The following TSHZ1 variants were observed in gnomAD, a reference collection of about 807,000 sequenced individuals.
TSHZ1 encodes the protein teashirt homolog 1.
A neutral mutation model predicts 67.1 loss-of-function variants in TSHZ1; 12 were observed. The observed-to-expected ratio is 0.18, with a 90% CI of 0.11 to 0.29. The LOEUF is 0.29. Ranked by LOEUF, TSHZ1 falls within the 10% of genes least tolerant of loss-of-function variation. The pLI is 1.00. For missense variants in TSHZ1, 1,305 were observed against 1,413.9 expected (o/e 0.92, Z 1.23); for synonymous variants, 632 against 622.4 (o/e 1.02, Z -0.23).
chr18:75,250,727 C>T (rs1158184416), intron 1 of TSHZ1, among the ~76,000 whole-genome samples: 2 of 152,236 alleles, frequency 1.3e-5, no homozygotes, highest in African/African-American at 2.4e-5. Flanking sequence ...GGGCCTTTAC[C>T]GTCCGGATGG....
rs560496526 is a variant in TSHZ1 at position 75,288,132 on chromosome 18, C to T, written c.2725C>T (p.Arg909Trp). 53 of 1,613,770 alleles carry T rather than the reference C, an allele frequency of 3.3e-5. No homozygotes were observed. The East Asian group carries it at 5.1e-4, about 16-fold the overall frequency. ...ILQAQFASSL[R>W]ETTEGKYIMS... Reference sequence around the variant, plus strand: ...GCAGGCCCAGTTCGCCTCGAGCTTGCGGGAGACCACAGAGGGCAAGTACAT... The same window carrying T: ...GCAGGCCCAGTTCGCCTCGAGCTTGTGGGAGACCACAGAGGGCAAGTACAT... Residue 909 changes from arginine (R) to tryptophan (W), a missense_variant, in exon 2 of 2, where the codon CGG becomes TGG. Arg to Trp is a moderately radical substitution (Grantham distance 101, BLOSUM62 -3). Transcript: ENST00000580243. The surrounding 1 kb of genome is among the most constrained non-coding windows in gnomAD (Gnocchi z 4.9).
chr18:75,240,593 C>G (rs1192041510), intron 1 of TSHZ1, among the ~76,000 whole-genome samples: 3 of 152,152 alleles, frequency 2.0e-5, no homozygotes, highest in Non-Finnish European at 4.4e-5. Flanking sequence ...TCAGCTGGAG[C>G]ACACTGTTTC....
At chr18:75,260,293 C>T (rs1290733330) in intron 1 of TSHZ1, among the ~76,000 whole-genome samples, 1 of 152,216 alleles carries the variant, frequency 6.6e-6, no homozygotes, top group African/African-American at 2.4e-5. Context: ...CCCGCTTTTG[C>T]ATTTTCCCCA....
In TSHZ1 at chr18:75,229,615, C is replaced by A. The variant is rs573780381; in HGVS notation, c.40+17699C>A. Among the ~76,000 whole-genome samples the A allele has an allele frequency of 8.5e-5, 13 of 152,330 alleles. No homozygotes were observed. The East Asian group carries it at 2.3e-3, about 27-fold the overall frequency. ...GGACTGAAGCCCCTCCTTGGGGAAG[C>A]CCTGGCTCTTGCGAGGACAGGTGAG... is the stretch of plus-strand genomic sequence containing the variant. On this transcript the variant is annotated intron_variant, in intron 1 of 1. Transcript: ENST00000580243.
chr18:75,265,043 T>G (rs1371956013), intron 1 of TSHZ1, among the ~76,000 whole-genome samples: 1 of 152,202 alleles, frequency 6.6e-6, no homozygotes, highest in Non-Finnish European at 1.5e-5. Context: ...TATTTTAATT[T>G]CATAGAGCAA....
At chr18:75,215,267 C>T (rs568565515) in intron 1 of TSHZ1, among the ~76,000 whole-genome samples, 3 of 152,286 alleles carry the variant, frequency 2.0e-5, no homozygotes, top group South Asian at 2.1e-4. Context: ...CAGAGAATGT[C>T]GCTGGCTGGG....
At chr18:75,248,596 AT>A (rs1307999528) in intron 1 of TSHZ1, among the ~76,000 whole-genome samples, 2 of 152,230 alleles carry the variant, frequency 1.3e-5, no homozygotes, top group African/African-American at 2.4e-5. Context: ...ATTGGCCCAC[AT>A]TAATGGAGAG....
Position 75,286,202 on chromosome 18 carries a change from G to A in TSHZ1, c.795G>A (p.Met265Ile), listed in dbSNP as rs763094006. ...YDTLVELTVH[M>I]NETGHYRDDN... ...CGCTGGTGGAACTGACGGTGCACAT[G>A]AACGAGACAGGCCACTACCGTGACG... is the stretch of plus-strand genomic sequence containing the variant. Residue 265 changes from methionine (M) to isoleucine (I), a missense_variant, in exon 2 of 2, where the codon ATG becomes ATA. Met to Ile is a conservative substitution (Grantham distance 10). Around this residue, in one of 3 missense-constraint regions of TSHZ1, gnomAD observed 358 missense variants for 375.6 expected, o/e 0.95. Coordinates refer to ENST00000580243, the MANE Select transcript of TSHZ1 (RefSeq NM_001308210.2). The surrounding 1 kb of genome is among the most constrained non-coding windows in gnomAD (Gnocchi z 5.1). 6.2e-7 allele frequency: 1 copy of A among 1,614,128 alleles called. No individual in the cohort carries two copies. The highest frequency in any genetic ancestry group is 1.1e-5 in the South Asian group (1 of 91,074).
At chr18:75,254,401 T>C (rs2023339927) in intron 1 of TSHZ1, among the ~76,000 whole-genome samples, 1 of 152,220 alleles carries the variant, frequency 6.6e-6, no homozygotes, top group Non-Finnish European at 1.5e-5. Context: ...TTACCATCTT[T>C]ATTTTTCTAG....
intron 1 of TSHZ1, among the ~76,000 whole-genome samples, chr18:75,217,893 AC>A (rs1205604391): frequency 6.6e-5 from 10 of 152,214 alleles, no homozygotes; most frequent in Admixed American, 3.3e-4. Flanking sequence ...ACCTCAAAGA[AC>A]ATAAAAATTT....
chr18:75,235,937 ACACTGTCTT>A (rs1167931152), intron 1 of TSHZ1, among the ~76,000 whole-genome samples: 6 of 152,110 alleles, frequency 3.9e-5, no homozygotes, highest in Non-Finnish European at 7.3e-5. Flanking sequence ...TGCGGCGTTG[ACACTGTCTT>A]CACTGTCTTC....
At chr18:75,228,217 C>T (rs1419293467) in intron 1 of TSHZ1, among the ~76,000 whole-genome samples, 1 of 152,236 alleles carries the variant, frequency 6.6e-6, no homozygotes, top group Non-Finnish European at 1.5e-5. Context: ...AAAGAGACAG[C>T]ATGCCAGTGG....
At position 75,286,205 on chromosome 18, in the gene TSHZ1, C is replaced by T. The variant is rs555310542; in HGVS notation, c.798C>T (p.Asn266=). ...TGGTGGAACTGACGGTGCACATGAACGAGACAGGCCACTACCGTGACGACA... is the reference window on the plus strand; with the variant it reads ...TGGTGGAACTGACGGTGCACATGAATGAGACAGGCCACTACCGTGACGACA... The part of the protein sequence containing the change: ...DTLVELTVHM[N]ETGHYRDDNR... The change falls in exon 2 of 2, where the codon AAC becomes AAT. Residue 266 remains asparagine, a synonymous_variant. Transcript: ENST00000580243. This position sits in a 1 kb window ranked among gnomAD's most constrained non-coding sequence, Gnocchi z 5.1. 9.9e-6 allele frequency: 16 copies of T among 1,614,002 alleles called. No individual in the cohort carries two copies. The highest frequency in any genetic ancestry group is 5.0e-5 in the Admixed American group (3 of 60,008).
At chr18:75,258,810 G>A (rs1371492568) in intron 1 of TSHZ1, among the ~76,000 whole-genome samples, 3 of 152,094 alleles carry the variant, frequency 2.0e-5, no homozygotes, top group African/African-American at 7.2e-5. Context: ...TGAAGATCAG[G>A]GCAGGTGACT....
rs1002771160 is a variant in TSHZ1 at position 75,285,732 on chromosome 18, C to T, written c.325C>T (p.Pro109Ser). 1.2e-6 allele frequency: 2 copies of T among 1,613,960 alleles called. No homozygotes were observed. The highest frequency in any genetic ancestry group is 1.3e-5 in the African/African-American group (1 of 74,896). Residue 109 changes from proline to serine, a missense_variant, in exon 2 of 2, where the codon CCC (proline) becomes TCC (serine). Coordinates refer to ENST00000580243, the MANE Select transcript of TSHZ1 (RefSeq NM_001308210.2). ...DPQCPDSVSYPQDSLAQIKAV... is the reference protein window; with the variant it reads ...DPQCPDSVSYSQDSLAQIKAV... ...GCAGTGTCCCGACAGCGTCTCGTAC[C>T]CCCAGGACAGCCTGGCACAGATCAA...
chr18:75,246,895 A>T (rs1188803852), intron 1 of TSHZ1, among the ~76,000 whole-genome samples: 1 of 152,204 alleles, frequency 6.6e-6, no homozygotes, highest in African/African-American at 2.4e-5. Context: ...GAATTTTGTC[A>T]ATATTTTTTG....
intron 1 of TSHZ1, among the ~76,000 whole-genome samples, chr18:75,270,081 A>G (rs1416299940): frequency 6.6e-6 from 1 of 152,230 alleles, no homozygotes; most frequent in East Asian, 1.9e-4. Flanking sequence ...ATCAGTTTTA[A>G]ACTCATGCCA....
At chr18:75,237,566 A>G (rs1045283640) in intron 1 of TSHZ1, among the ~76,000 whole-genome samples, 11 of 152,140 alleles carry the variant, frequency 7.2e-5, no homozygotes, top group Admixed American at 1.3e-4. Context: ...GCATGCATAT[A>G]TATGTGTGTA....
chr18:75,275,807 T>A (rs968555225), intron 1 of TSHZ1, among the ~76,000 whole-genome samples: 2 of 152,180 alleles, frequency 1.3e-5, no homozygotes, highest in Admixed American at 1.3e-4. Flanking sequence ...GTTTCTGGAG[T>A]AAGAGAACAT....
Sources: allele counts gnomAD v4.1 joint callset (sites outside exome capture counted in the v4.1 genomes callset), GRCh38; gene constraint gnomAD v4.1.1; regional missense constraint gnomAD v4.1.1; non-coding constraint Gnocchi (gnomAD v3.1); transcripts MANE v1.5; gene names NCBI Gene and HGNC (gene_info 2026-07-23, HGNC 2026-07-21).